FAM186A: variants seen among roughly 807,000 people sequenced by gnomAD.
FAM186A encodes family with sequence similarity 186 member A.
In FAM186A, 163 loss-of-function variants were observed where a neutral mutation model predicts 216.8. The observed-to-expected ratio is 0.75, with a 90% CI of 0.66 to 0.86. The LOEUF (loss-of-function observed/expected upper bound fraction) is 0.86. Among genes scored for constraint, FAM186A ranks in the 40% least tolerant of loss-of-function variants. FAM186A has a pLI of 0.00. For missense variants in FAM186A, 2,184 were observed against 2,746.2 expected, an observed-to-expected ratio of 0.80 and a Z score of 4.58; for synonymous variants, 805 against 1,025.3, an observed-to-expected ratio of 0.79 and a Z score of 4.10.
chr12:50,354,506 T>C lies in FAM186A; in HGVS notation c.2326A>G (p.Ser776Gly). Residue 776 changes from serine to glycine, a missense_variant, in exon 4 of 8, where the codon AGT becomes GGT. Physicochemically the swap from Ser to Gly is moderately conservative, Grantham distance 56. This residue lies in a region of FAM186A where 1,132 missense variants were observed against 1,263.4 expected (regional missense o/e 0.90). Transcript: ENST00000327337. ...GTGCTCTCATATGAGAGGAGGGTAC[T>C]GCTTTCAGATTTTGCACTAATTGGT... ...KSPISAKSES[S>G]TLLSYESTDP... is the part of the protein sequence containing the mutation. 3.2e-6 allele frequency: 5 copies of C among 1,551,690 alleles called. No homozygotes were observed. The highest frequency in any genetic ancestry group is 4.4e-6 in the Non-Finnish European group (5 of 1,147,000).
chr12:50,346,237 A>AAAGAAAGAAAGAAGGAAAGAAAG (rs1383898895), intron 4 of FAM186A, among the ~76,000 whole-genome samples: 6 of 102,258 alleles, frequency 5.9e-5, no homozygotes, highest in Non-Finnish European at 1.0e-4. Context: ...AAGAAAGAAA[A>AAAGAAAGAAAGAAGGAAAGAAAG]AAAGAAAGAA....
intron 4 of FAM186A, among the ~76,000 whole-genome samples, chr12:50,336,339 A>C (rs1306996663): frequency 6.6e-6 from 1 of 152,072 alleles, no homozygotes; most frequent in Non-Finnish European, 1.5e-5. Context: ...TGTTTTTTCT[A>C]ATGTCCCATA....
intron 1 of FAM186A, among the ~76,000 whole-genome samples, chr12:50,376,102 G>A (rs556200610): frequency 1.9e-4 from 29 of 152,294 alleles, no homozygotes; most frequent in African/African-American, 5.8e-4. Context: ...TTCTGCTGCA[G>A]GCACCAGTGT....
rs377268751 is a variant in FAM186A, at chr12:50,390,851, G to T, written c.192+5442C>A. Among the ~76,000 whole-genome samples the T allele has an allele frequency of 2.7e-4, 41 of 152,148 alleles. No individual in the cohort carries two copies. In the East Asian group the frequency reaches 3.7e-3, roughly 14 times the overall value. On this transcript the variant is annotated intron_variant, in intron 1 of 7. Transcript: ENST00000327337. ...GGAGGCCGAGGTAGCCACCACCCCT[G>T]GCTAATTGTTGTATGTTTTGTAGAA...
intron 4 of FAM186A, among the ~76,000 whole-genome samples, chr12:50,349,517 A>G (rs1942853999): frequency 6.6e-6 from 1 of 151,634 alleles, no homozygotes; most frequent in Non-Finnish European, 1.5e-5. Flanking sequence ...CCATTAGTTC[A>G]ATTGCTTTAA....
intron 1 of FAM186A, among the ~76,000 whole-genome samples, chr12:50,395,091 TTTTG>T (rs556607099): frequency 3.6e-4 from 54 of 151,896 alleles, no homozygotes; most frequent in African/African-American, 1.1e-3. Context: ...CATGACTGAT[TTTTG>T]TTTGTTTGTT....
At chr12:50,328,237 C>A (rs1449784169) in intron 7 of FAM186A, among the ~76,000 whole-genome samples, 2 of 152,060 alleles carry the variant, frequency 1.3e-5, no homozygotes, top group African/African-American at 2.4e-5. Context: ...ATACAATGGG[C>A]CAGGTGTGCC....
At chr12:50,329,344 A>C (rs2138755362) in intron 7 of FAM186A, among the ~76,000 whole-genome samples, 1 of 152,268 alleles carries the variant, frequency 6.6e-6, no homozygotes, top group East Asian at 1.9e-4. Flanking sequence ...TAATTAATTT[A>C]ATCGCTATAA....
rs367586420 is a variant in FAM186A at position 50,351,346 on chromosome 12, C to G, written c.5486G>C (p.Arg1829Pro). Residue 1829 changes from arginine (R) to proline (P), a missense_variant, in exon 4 of 8, where the codon CGG becomes CCG. Transcript: ENST00000327337. ...PPSPGQLPIS[R>P]APPTPGQPFI... is the part of the protein sequence containing the mutation. ...GGGCTGCCCTGGAGTGGGAGGGGCCCGAGATATTGGGAGCTGCCCAGGGGA... is the reference window on the plus strand; with the variant it reads ...GGGCTGCCCTGGAGTGGGAGGGGCCGGAGATATTGGGAGCTGCCCAGGGGA... The G allele has an allele frequency of 2.7e-6, 4 of 1,488,326 alleles. No individual in the cohort carries two copies. The East Asian group carries it at 9.9e-5, about 37-fold the overall frequency. The allele number at this position is 1,488,326 out of a possible 1,614,324, so 92.2% of individuals were successfully genotyped here. A position where few individuals can be genotyped will look rare whatever the true frequency, so the allele number is the denominator to read the frequency against.
rs1046358893 is a variant in FAM186A at position 50,372,385 on chromosome 12, C to T, written c.193-9021G>A. ...AAGGAGGGTGGATCATGAGGTCAGG[C>T]GTTCAAGACCAGCCTGGGCAACATA... On this transcript the variant is annotated intron_variant, in intron 1 of 7. Transcript: ENST00000327337. Among the ~76,000 whole-genome samples the T allele has an allele frequency of 4.8e-5, 7 of 146,886 alleles. No individual in the cohort carries two copies. In the East Asian group the frequency reaches 1.1e-3, roughly 22 times the overall value.
At chr12:50,331,618 A>AT in intron 6 of FAM186A, 52 bp downstream of exon 6, 1 of 1,498,754 alleles carries the variant, frequency 6.7e-7, no homozygotes. Context: ...GGAAAAAAAA[A>AT]TTAGGTCCCA....
intron 1 of FAM186A, among the ~76,000 whole-genome samples, chr12:50,388,669 G>C (rs1238982074): frequency 1.3e-5 from 2 of 151,720 alleles, no homozygotes; most frequent in African/African-American, 4.9e-5. Flanking sequence ...CTAAGTGACA[G>C]TTGACAGTTA....
chr12:50,359,677 G>A (rs1214320341), intron 3 of FAM186A, among the ~76,000 whole-genome samples: 3 of 152,078 alleles, frequency 2.0e-5, no homozygotes, highest in Non-Finnish European at 2.9e-5. Flanking sequence ...ACAAAATGTG[G>A]TATATCCAAA....
chr12:50,330,942 C>T (rs1008398301), intron 6 of FAM186A, among the ~76,000 whole-genome samples, 184 bp from the exon 7 acceptor site: 2 of 152,110 alleles, frequency 1.3e-5, no homozygotes, highest in Non-Finnish European at 2.9e-5. Context: ...CGCTGAGTTA[C>T]CAAAGCTGCA....
At chr12:50,393,169 G>T (rs933429229) in intron 1 of FAM186A, among the ~76,000 whole-genome samples, 11 of 151,426 alleles carry the variant, frequency 7.3e-5, no homozygotes, top group African/African-American at 2.7e-4. Flanking sequence ...CTCGTGATCC[G>T]CCCGCCTCGC....
At position 50,354,169 on chromosome 12, in the gene FAM186A, A is replaced by G; in HGVS notation, c.2663T>C (p.Met888Thr). 2 of 1,550,778 alleles carry G rather than the reference A, an allele frequency of 1.3e-6. No homozygotes were observed. The highest frequency in any genetic ancestry group is 1.7e-6 in the Non-Finnish European group (2 of 1,146,824). Residue 888 changes from methionine (M) to threonine (T), a missense_variant, in exon 4 of 8, where the codon ATG becomes ACG. Coordinates refer to ENST00000327337, the MANE Select transcript of FAM186A (RefSeq NM_001145475.3). The stretch of plus-strand genomic sequence containing the variant: ...TGCCTGTTTTTGCTCTTCCTTCCAC[A>G]TCTCTTCTTCCTGCCACTGTTTCTG... The part of the protein sequence containing the change: ...QSQKQWQEEE[M>T]WKEEQKQATP...
chr12:50,386,802 G>A (rs566060732), intron 1 of FAM186A, among the ~76,000 whole-genome samples: 1 of 145,304 alleles, frequency 6.9e-6, no homozygotes, highest in African/African-American at 2.5e-5. Flanking sequence ...GGGTGGGGGG[G>A]TTAGGGAGAG....
At chr12:50,372,409 T>A (rs944694095) in intron 1 of FAM186A, among the ~76,000 whole-genome samples, 8 of 11,190 alleles carry the variant, frequency 7.1e-4, no homozygotes, top group African/African-American at 7.9e-4. Flanking sequence ...CTGGGCAACA[T>A]AGTGAAACCC....
chr12:50,379,191 A>G (rs1249221631), intron 1 of FAM186A, among the ~76,000 whole-genome samples: 1 of 152,158 alleles, frequency 6.6e-6, no homozygotes, highest in Non-Finnish European at 1.5e-5. Context: ...CTGTAATCCC[A>G]GCACTTTGGG....
Sources: gnomAD v4.1 joint callset for allele counts (sites outside exome capture counted in the v4.1 genomes callset) on GRCh38, gnomAD v4.1.1 for gene constraint, gnomAD v4.1.1 regional missense constraint, MANE v1.5 for transcripts, NCBI Gene and HGNC (gene_info 2026-07-23, HGNC 2026-07-21) for gene names.